SV2C: variants seen among roughly 807,000 people sequenced by gnomAD.
SV2C encodes the protein solute carrier family 22 member B3.
SV2C carries 49 observed loss-of-function variants against 79.7 expected under a neutral mutation model. That is an observed-to-expected ratio of 0.61 (90% confidence interval 0.49 to 0.78). The LOEUF (loss-of-function observed/expected upper bound fraction) is 0.78. Ranked by LOEUF, SV2C falls within the 30% of genes least tolerant of loss-of-function variation. The probability of loss-of-function intolerance (pLI) is 0.00; values close to 1 mark genes in which losing one functional copy is unlikely to be tolerated. For missense variants in SV2C, 833 were observed against 912.9 expected (o/e 0.91, Z 1.13); for synonymous variants, 334 against 333.2 (o/e 1.00, Z -0.03).
intron 12 of SV2C, among the ~76,000 whole-genome samples, chr5:76,341,659 G>A (rs1302539672): frequency 6.6e-6 from 1 of 152,108 alleles, no homozygotes; most frequent in Non-Finnish European, 1.5e-5. Flanking sequence ...TATTTCACTG[G>A]GGTTTATAAG....
At chr5:76,085,083 T>G (rs1747137876) in intron 1 of SV2C, among the ~76,000 whole-genome samples, 1 of 152,252 alleles carries the variant, frequency 6.6e-6, no homozygotes, top group Non-Finnish European at 1.5e-5. Flanking sequence ...CGCGGTAGCT[T>G]CCGTTTAATT....
intron 8 of SV2C, among the ~76,000 whole-genome samples, chr5:76,295,075 G>A (rs966036507): frequency 2.0e-5 from 3 of 152,182 alleles, no homozygotes; most frequent in African/African-American, 7.2e-5. Flanking sequence ...TTGGGGCCAG[G>A]ATGTCAGATG....
At chr5:75,932,486 C>T in the SV2C span, among the ~76,000 whole-genome samples, 1 of 152,194 alleles carries the variant, frequency 6.6e-6, no homozygotes, top group African/African-American at 2.4e-5. Context: ...GAGCTGAGAG[C>T]CACAAACAGT....
In SV2C at chr5:76,200,916, T is replaced by A. The variant is rs140223748; in HGVS notation, c.761+5817T>A. On this transcript the variant is annotated intron_variant, in intron 3 of 12. Coordinates refer to ENST00000502798, the MANE Select transcript of SV2C (RefSeq NM_014979.4). ...CCTTGGCTTTCCAAAGTGCTGGGAT[T>A]GCAGGCATGAGCTGCTGCACCTGGC... 7.4e-4 allele frequency among the ~76,000 whole-genome samples: 113 copies of A among 152,384 alleles called. 5 individuals carry two copies. The East Asian group carries it at 0.019, about 26-fold the overall frequency.
chr5:76,005,612 G>A, the SV2C span, among the ~76,000 whole-genome samples: 19 of 152,244 alleles, frequency 1.2e-4, no homozygotes, highest in African/African-American at 3.9e-4. Context: ...TGGCTGTAGC[G>A]GAATAAATTT....
intron 10 of SV2C, among the ~76,000 whole-genome samples, chr5:76,300,182 T>TTATTATTA (rs1277224862): frequency 6.7e-6 from 1 of 148,304 alleles, no homozygotes; most frequent in Non-Finnish European, 1.5e-5. Flanking sequence ...ATTATTATTA[T>TTATTATTA]TATTATTATT....
chr5:75,897,460 G>A, the SV2C span, among the ~76,000 whole-genome samples: 1 of 151,952 alleles, frequency 6.6e-6, no homozygotes, highest in South Asian at 2.1e-4. Flanking sequence ...ATGCTGTTTT[G>A]GTTACTGTAG....
chr5:76,203,141 A>G (rs944283204), intron 3 of SV2C, among the ~76,000 whole-genome samples: 1 of 152,208 alleles, frequency 6.6e-6, no homozygotes, highest in Non-Finnish European at 1.5e-5. Flanking sequence ...GGAACAGAAC[A>G]AAAGATCTTC....
chr5:76,050,179 A>G, the SV2C span, among the ~76,000 whole-genome samples: 1 of 152,246 alleles, frequency 6.6e-6, no homozygotes, highest in Non-Finnish European at 1.5e-5. Flanking sequence ...GCTGTCACTC[A>G]TATTGTAGAC....
At chr5:75,944,493 A>G in the SV2C span, among the ~76,000 whole-genome samples, 2 of 152,124 alleles carry the variant, frequency 1.3e-5, no homozygotes, top group Admixed American at 6.6e-5. Flanking sequence ...CCCCCTAGTT[A>G]TAACTAAAGC....
At chr5:75,893,631 C>G in the SV2C span, among the ~76,000 whole-genome samples, 1 of 152,056 alleles carries the variant, frequency 6.6e-6, no homozygotes, top group Non-Finnish European at 1.5e-5. Context: ...TGAAAAACTA[C>G]CTATTGGGTA....
intron 1 of SV2C, among the ~76,000 whole-genome samples, chr5:76,119,437 C>A (rs376096243): frequency 1.8e-4 from 28 of 152,164 alleles, no homozygotes; most frequent in Admixed American, 5.2e-4. Context: ...GCTGACACTG[C>A]ACATTCCAAG....
At chr5:76,181,677 G>A (rs1006203764) in intron 2 of SV2C, among the ~76,000 whole-genome samples, 8 of 151,746 alleles carry the variant, frequency 5.3e-5, no homozygotes, top group African/African-American at 1.9e-4. Context: ...AGCACTAGGG[G>A]GATAGGGCTA....
intron 4 of SV2C, among the ~76,000 whole-genome samples, chr5:76,221,374 AC>A (rs1477418731): frequency 1.3e-5 from 2 of 152,206 alleles, no homozygotes; most frequent in Non-Finnish European, 2.9e-5. Flanking sequence ...CCCAAATTAC[AC>A]AACTTCAGTT....
At chr5:76,068,151 C>T in the SV2C span, among the ~76,000 whole-genome samples, 15 of 152,082 alleles carry the variant, frequency 9.9e-5, no homozygotes, top group Non-Finnish European at 1.6e-4. Context: ...AATGGGAATG[C>T]CCCCAGTGTT....
the SV2C span, among the ~76,000 whole-genome samples, chr5:75,930,134 C>A: frequency 6.6e-6 from 1 of 152,192 alleles, no homozygotes; most frequent in Non-Finnish European, 1.5e-5. Context: ...CCCTCCCCTC[C>A]CTAACCCTTA....
At chr5:76,337,341 T>A (rs1749349238), downstream of SV2C, among the ~76,000 whole-genome samples, 1 of 152,136 alleles carries the variant, frequency 6.6e-6, no homozygotes, top group African/African-American at 2.4e-5. Flanking sequence ...TAGGAGGTAG[T>A]CCAACCCCAT....
At chr5:75,903,277 C>G in the SV2C span, among the ~76,000 whole-genome samples, 2 of 151,932 alleles carry the variant, frequency 1.3e-5, no homozygotes. Context: ...TAACTGAAAT[C>G]CATCTGGATG....
intron 4 of SV2C, among the ~76,000 whole-genome samples, chr5:76,227,173 GA>G (rs2112390482): frequency 7.3e-6 from 1 of 136,194 alleles, no homozygotes; most frequent in Admixed American, 7.5e-5. Context: ...ATGCAGATAA[GA>G]TAAAAGCCAA....
Sources: allele counts gnomAD v4.1 joint callset (sites outside exome capture counted in the v4.1 genomes callset), GRCh38; gene constraint gnomAD v4.1.1; transcripts MANE v1.5; gene names NCBI Gene and HGNC (gene_info 2026-07-23, HGNC 2026-07-21).